PTPRK: variants seen among roughly 807,000 people sequenced by gnomAD.
The protein encoded by PTPRK is protein tyrosine phosphatase receptor type K.
PTPRK carries 75 observed loss-of-function variants against 178.0 expected under a neutral mutation model. The observed-to-expected ratio is 0.42, with a 90% CI of 0.35 to 0.51. PTPRK has a LOEUF of 0.51. Among genes scored for constraint, PTPRK ranks in the 20% least tolerant of loss-of-function variants. The pLI is 0.02. For missense variants in PTPRK, 1,441 were observed against 1,797.8 expected, an observed-to-expected ratio of 0.80 and a Z score of 3.59; for synonymous variants, 637 against 620.6, an observed-to-expected ratio of 1.03 and a Z score of -0.39.
At chr6:128,269,842 A>G (rs184655743) in intron 3 of PTPRK, among the ~76,000 whole-genome samples, 5 of 152,274 alleles carry the variant, frequency 3.3e-5, no homozygotes, top group African/African-American at 9.6e-5. Context: ...AATTCCAACA[A>G]CAACATTTCC....
At chr6:128,296,679 G>C (rs1267294979) in intron 3 of PTPRK, among the ~76,000 whole-genome samples, 5 of 151,458 alleles carry the variant, frequency 3.3e-5, no homozygotes, top group Non-Finnish European at 7.4e-5. Flanking sequence ...AATGCTGAGA[G>C]ATTTTGTCAC....
chr6:128,448,432 A>G (rs1847313910), intron 1 of PTPRK, among the ~76,000 whole-genome samples: 1 of 152,092 alleles, frequency 6.6e-6, no homozygotes, highest in Non-Finnish European at 1.5e-5. Flanking sequence ...TCCCCTATAC[A>G]TATTCCTATT....
intron 16 of PTPRK, among the ~76,000 whole-genome samples, chr6:127,998,287 C>T (rs184426085): frequency 1.5e-3 from 225 of 151,978 alleles, no homozygotes; most frequent in African/African-American, 5.1e-3. Flanking sequence ...ATATTTAGAG[C>T]ACAAAGCTTC....
intron 13 of PTPRK, among the ~76,000 whole-genome samples, chr6:128,029,638 A>AAATAATAAT (rs55955361): frequency 1.2e-4 from 17 of 137,042 alleles, no homozygotes; most frequent in East Asian, 1.1e-3. Flanking sequence ...TTCCATCTCA[A>AAATAATAAT]AATAATAATA....
chr6:127,978,845 C>G (rs1250238781), intron 25 of PTPRK, among the ~76,000 whole-genome samples: 1 of 152,110 alleles, frequency 6.6e-6, no homozygotes, highest in African/African-American at 2.4e-5. Context: ...CCTCATAGAC[C>G]TGGCAAAAGG....
intron 13 of PTPRK, among the ~76,000 whole-genome samples, chr6:128,044,520 A>G (rs75171791): frequency 0.011 from 1,683 of 152,024 alleles, 18 homozygotes; most frequent in South Asian, 0.027. Context: ...ATTCTCTACC[A>G]TGGTTTACCA....
chr6:128,024,756 G>C (rs1400517773), intron 13 of PTPRK, among the ~76,000 whole-genome samples: 5 of 152,164 alleles, frequency 3.3e-5, no homozygotes, highest in African/African-American at 7.2e-5. Context: ...GTTGCAGTGA[G>C]CCGAGATCGT....
chr6:128,433,512 T>C (rs974873130), intron 1 of PTPRK, among the ~76,000 whole-genome samples: 10 of 152,048 alleles, frequency 6.6e-5, no homozygotes, highest in Admixed American at 5.2e-4. Context: ...TTTGTTTGTT[T>C]GTTTGTTTGT....
At chr6:128,316,865 C>T (rs1048188806) in intron 3 of PTPRK, among the ~76,000 whole-genome samples, 4 of 151,902 alleles carry the variant, frequency 2.6e-5, no homozygotes, top group East Asian at 3.9e-4. Flanking sequence ...TACAGGCACC[C>T]GCCACCATGC....
chr6:128,417,465 A>G lies in PTPRK; in HGVS notation c.101-19777T>C, dbSNP rs188124773. ...CATAGAAAAACTATAATGGTTAATA[A>G]TGCAAATTCAAAAGCAATCATGTTA... is the stretch of plus-strand genomic sequence containing the variant. On this transcript the variant is annotated intron_variant, in intron 1 of 29. Transcript: ENST00000368226. Among the ~76,000 whole-genome samples, 116 of 152,360 alleles carry G rather than the reference A, an allele frequency of 7.6e-4. 2 individuals carry two copies. In the South Asian group the frequency reaches 0.014, roughly 19 times the overall value.
chr6:128,371,665 C>T (rs981799399), intron 2 of PTPRK, among the ~76,000 whole-genome samples: 4 of 152,146 alleles, frequency 2.6e-5, no homozygotes, highest in Admixed American at 1.3e-4. Context: ...CAACCAATCA[C>T]CATCTTTATC....
chr6:128,447,337 A>T lies in PTPRK; in HGVS notation c.101-49649T>A, dbSNP rs141436229. Among the ~76,000 whole-genome samples, 891 of 152,348 alleles carry T rather than the reference A, an allele frequency of 5.8e-3. 7 individuals carry two copies. Among genetic ancestry groups the T allele is most frequent in the African/African-American group, 0.02 (842 of 41,576 alleles). ...GAGAAAATAATAATAGCTAACATAT[A>T]ACAAGTCTCCACCATATGTCAGGCA... On this transcript the variant is annotated intron_variant, in intron 1 of 29. Coordinates refer to ENST00000368226, the MANE Select transcript of PTPRK (RefSeq NM_002844.4).
At chr6:128,205,804 A>AAAAT (rs1213463551) in intron 6 of PTPRK, among the ~76,000 whole-genome samples, 2 of 150,538 alleles carry the variant, frequency 1.3e-5, no homozygotes, top group African/African-American at 4.9e-5. Flanking sequence ...AAAAAAAAAA[A>AAAAT]ATTCAAGTTA....
chr6:128,103,781 C>A (rs963171581), intron 7 of PTPRK, among the ~76,000 whole-genome samples: 1 of 152,148 alleles, frequency 6.6e-6, no homozygotes, highest in African/African-American at 2.4e-5. Flanking sequence ...ATCAGTGAAA[C>A]TCTCCATACC....
At chr6:128,438,623 G>A (rs1164755276) in intron 1 of PTPRK, among the ~76,000 whole-genome samples, 4 of 152,198 alleles carry the variant, frequency 2.6e-5, no homozygotes, top group African/African-American at 9.7e-5. Flanking sequence ...CACCTCAGAT[G>A]CAATGGAGTA....
chr6:128,234,026 C>T (rs2128280387), intron 5 of PTPRK, among the ~76,000 whole-genome samples: 1 of 152,324 alleles, frequency 6.6e-6, no homozygotes, highest in Admixed American at 6.5e-5. Context: ...TTGATTTACC[C>T]TGTAGGTGTC....
At chr6:128,272,389 A>T (rs1178097321) in intron 3 of PTPRK, among the ~76,000 whole-genome samples, 1 of 152,240 alleles carries the variant, frequency 6.6e-6, no homozygotes, top group African/African-American at 2.4e-5. Flanking sequence ...GCTTCTGCAC[A>T]GCAAAAGAAA....
intron 1 of PTPRK, among the ~76,000 whole-genome samples, chr6:128,508,107 A>G (rs1395758536): frequency 6.6e-6 from 1 of 152,124 alleles, no homozygotes; most frequent in African/African-American, 2.4e-5. Flanking sequence ...ACATCTCAGG[A>G]GTATGGTCAG....
chr6:128,177,369 C>T (rs193042246), intron 7 of PTPRK, among the ~76,000 whole-genome samples: 11 of 151,800 alleles, frequency 7.2e-5, no homozygotes, highest in African/African-American at 2.7e-4. Context: ...GAGACTGATG[C>T]TGTTATTCAA....
Sources: gnomAD v4.1 joint callset for allele counts (sites outside exome capture counted in the v4.1 genomes callset) on GRCh38, gnomAD v4.1.1 for gene constraint, MANE v1.5 for transcripts, NCBI Gene and HGNC (gene_info 2026-07-23, HGNC 2026-07-21) for gene names.